Variants in NHS observed in about 807,000 individuals in gnomAD.
NHS encodes the protein actin remodeling regulator NHS.
A neutral mutation model predicts 72.5 loss-of-function variants in NHS; 5 were observed. That is an observed-to-expected ratio of 0.07 (90% CI 0.04 to 0.14). The LOEUF (loss-of-function observed/expected upper bound fraction) is 0.14. Among genes scored for constraint, NHS ranks in the 10% least tolerant of loss-of-function variants. NHS has a pLI of 1.00. For synonymous variants in NHS, 464 were observed against 547.7 expected (o/e 0.85, Z 2.13); for missense variants, 1,072 against 1,355.7 (o/e 0.79, Z 3.29).
chrX:17,656,436 A>G (rs1439967431), intron 1 of NHS, among the ~76,000 whole-genome samples: 1 of 110,976 alleles, frequency 9.0e-6, no homozygotes, highest in African/African-American at 3.3e-5. Flanking sequence ...AATTTCTCGC[A>G]CCTCTGGGTG....
intron 1 of NHS, among the ~76,000 whole-genome samples, chrX:17,564,748 A>T (rs1226333961): frequency 8.9e-6 from 1 of 111,782 alleles, no homozygotes; most frequent in Non-Finnish European, 1.9e-5. Context: ...TCATAGATTT[A>T]ATGGGAACAC....
At chrX:17,399,402 C>A (rs1034421450) in intron 1 of NHS, among the ~76,000 whole-genome samples, 19 of 111,430 alleles carry the variant, frequency 1.7e-4, no homozygotes, top group Admixed American at 9.6e-5. Context: ...ATGCCCGACC[C>A]CTACTTGAGT....
At chrX:17,715,692 A>G (rs2066360774) in intron 3 of NHS, among the ~76,000 whole-genome samples, 1 of 110,831 alleles carries the variant, frequency 9.0e-6, no homozygotes. Flanking sequence ...TTATTTTGTC[A>G]CCCAGGTATG....
At chrX:17,440,253 AGT>A in intron 1 of NHS, among the ~76,000 whole-genome samples, 1 of 88,589 alleles carries the variant, frequency 1.1e-5, no homozygotes, top group Middle Eastern at 5.4e-3. Context: ...AGCAAGACTC[AGT>A]CTTAAAAAAA....
At chrX:17,548,669 T>C (rs1257907141) in intron 1 of NHS, among the ~76,000 whole-genome samples, 1 of 111,807 alleles carries the variant, frequency 8.9e-6, no homozygotes, top group Non-Finnish European at 1.9e-5. Context: ...TGTACACACA[T>C]CTTCATGTGT....
chrX:17,459,940 C>A (rs1457489821), intron 1 of NHS, among the ~76,000 whole-genome samples: 2 of 112,040 alleles, frequency 1.8e-5, no homozygotes, highest in African/African-American at 6.5e-5. Context: ...GCATTTAATA[C>A]ACTGCATAGA....
chrX:17,499,832 G>A (rs753100377), intron 1 of NHS, among the ~76,000 whole-genome samples: 2 of 112,028 alleles, frequency 1.8e-5, no homozygotes, highest in Admixed American at 9.4e-5. Flanking sequence ...CACAGTATCT[G>A]GAGAATAGCT....
chrX:17,639,345 T>C (rs2065868638), intron 1 of NHS, among the ~76,000 whole-genome samples: 1 of 112,090 alleles, frequency 8.9e-6, no homozygotes, highest in South Asian at 3.8e-4. Context: ...GTCCATTTTC[T>C]GTTGCTATAA....
intron 1 of NHS, among the ~76,000 whole-genome samples, chrX:17,629,126 A>G (rs1255578120): frequency 1.8e-5 from 2 of 111,870 alleles, no homozygotes; most frequent in African/African-American, 6.5e-5. Flanking sequence ...CAACAACTAA[A>G]TGCCTGAAAA....
chrX:17,381,990 A>C (rs1436261252), intron 1 of NHS, among the ~76,000 whole-genome samples: 1 of 112,261 alleles, frequency 8.9e-6, no homozygotes, highest in African/African-American at 3.2e-5. Flanking sequence ...ACTGGTTTTG[A>C]TTTGCATTTC....
chrX:17,723,795 T>G (rs1383663027), intron 5 of NHS, among the ~76,000 whole-genome samples: 1 of 72,937 alleles, frequency 1.4e-5, no homozygotes, highest in East Asian at 5.4e-4. Context: ...GCATGGGGAA[T>G]GCAAGAAGGT....
In NHS at chrX:17,724,428, T is replaced by C; in HGVS notation, c.1238T>C (p.Ile413Thr). The part of the protein sequence containing the change: ...SGIPRRVQQE[I>T]DSDESPVARE... ...ATCCCCAGAAGAGTTCAACAAGAAA[T>C]AGGTGTGATATCAAAAAATGTTAAT... is the stretch of plus-strand genomic sequence containing the variant. The change falls in exon 6 of 9, where the codon ATA (isoleucine) becomes ACA (threonine). Residue 413 changes from isoleucine (I) to threonine (T), a missense_variant and splice_region_variant. Physicochemically the swap from Ile to Thr is moderately conservative, Grantham distance 89. Coordinates refer to ENST00000676302, the MANE Select transcript of NHS (RefSeq NM_001291867.2). 8.3e-7 allele frequency: 1 copy of C among 1,211,193 alleles called. No homozygotes were observed. Among genetic ancestry groups the C allele is most frequent in the Non-Finnish European group, 1.1e-6 (1 of 895,330 alleles).
At chrX:17,538,948 C>T (rs1441392429) in intron 1 of NHS, among the ~76,000 whole-genome samples, 2 of 112,117 alleles carry the variant, frequency 1.8e-5, no homozygotes, top group Non-Finnish European at 3.8e-5. Context: ...TTCAGCCAGG[C>T]TTTTTGGCTT....
At chrX:17,421,570 GTTTAT>G (rs1031132624) in intron 1 of NHS, among the ~76,000 whole-genome samples, 2 of 110,498 alleles carry the variant, frequency 1.8e-5, no homozygotes, top group Non-Finnish European at 1.9e-5. Context: ...TGTACTTTTT[GTTTAT>G]TTTATTTTAT....
At chrX:17,396,422 G>A (rs1295421260) in intron 1 of NHS, among the ~76,000 whole-genome samples, 1 of 109,396 alleles carries the variant, frequency 9.1e-6, no homozygotes, top group Non-Finnish European at 1.9e-5. Context: ...TTTTTAAAAT[G>A]CTAGTCATGA....
chrX:17,735,056 T>C lies in NHS; in HGVS notation c.*2592T>C, dbSNP rs1378945786. 8.9e-6 allele frequency: 1 copy of C among 112,887 alleles called. No homozygotes were observed. The highest frequency in any genetic ancestry group is 1.9e-5 in the Non-Finnish European group (1 of 53,329). The allele number at this position is 112,887 out of a possible 1,213,427, so 9.3% of individuals were successfully genotyped here. A position where few individuals can be genotyped will look rare whatever the true frequency, so the allele number is the denominator to read the frequency against. On this transcript the variant is annotated 3_prime_UTR_variant, in exon 9 of 9. Transcript: ENST00000676302. ...TTGAATTGTGAGGCAATAAGATACC[T>C]TCTATATGTAATGATCACAGAACTA... is the stretch of plus-strand genomic sequence containing the variant.
chrX:17,700,849 C>A (rs1238386583), intron 3 of NHS, among the ~76,000 whole-genome samples: 3 of 111,716 alleles, frequency 2.7e-5, no homozygotes, highest in Admixed American at 1.9e-4. Context: ...ATACTCTTAA[C>A]TGAAAAAGGC....
intron 1 of NHS, among the ~76,000 whole-genome samples, chrX:17,628,689 T>C (rs1481078093): frequency 8.8e-6 from 1 of 113,309 alleles, no homozygotes; most frequent in Non-Finnish European, 1.9e-5. Flanking sequence ...TTCCCTACCA[T>C]TTATCATTGG....
At chrX:17,521,753 A>G (rs984285078) in intron 1 of NHS, among the ~76,000 whole-genome samples, 6 of 112,170 alleles carry the variant, frequency 5.3e-5, no homozygotes, top group Non-Finnish European at 1.1e-4. Flanking sequence ...TGTCTGCTCA[A>G]TTTTTGCTGC....
Sources: gnomAD v4.1 joint callset for allele counts (sites outside exome capture counted in the v4.1 genomes callset) on GRCh38, gnomAD v4.1.1 for gene constraint, MANE v1.5 for transcripts, NCBI Gene and HGNC (gene_info 2026-07-23, HGNC 2026-07-21) for gene names.